The following RUNX2 variants were observed in gnomAD, a reference collection of about 807,000 sequenced individuals.
RUNX2 encodes the protein RUNX family transcription factor 2, also known as runt-related transcription factor 2.
A neutral mutation model predicts 51.7 loss-of-function variants in RUNX2; 10 were observed. The observed-to-expected ratio is 0.19, with a 90% CI of 0.12 to 0.33. The LOEUF (loss-of-function observed/expected upper bound fraction) is 0.33. Among genes scored for constraint, RUNX2 ranks in the 10% least tolerant of loss-of-function variants. The pLI is 1.00. For missense variants in RUNX2, 562 were observed against 691.3 expected (o/e 0.81, Z 2.10); for synonymous variants, 276 against 273.6 (o/e 1.01, Z -0.09).
rs1792643440 is a variant in RUNX2, at chr6:45,354,133, C to CA, written c.58+25355dup. ...GTAGGAAAAATTAGGAAGTTAGTATCAAAAAAGTCTTTAGACTCAAAAATT... is the reference window on the plus strand; with the variant it reads ...GTAGGAAAAATTAGGAAGTTAGTATCAAAAAAAGTCTTTAGACTCAAAAATT... On this transcript the variant is annotated intron_variant, in intron 2 of 8. Transcript: ENST00000647337. 3.9e-5 allele frequency among the ~76,000 whole-genome samples: 6 copies of CA among 152,046 alleles called. No homozygotes were observed. The East Asian group carries it at 9.7e-4, about 24-fold the overall frequency.
intron 2 of RUNX2, among the ~76,000 whole-genome samples, chr6:45,365,969 T>C (rs1286085629): frequency 1.3e-5 from 2 of 152,036 alleles, no homozygotes; most frequent in African/African-American, 4.8e-5. Flanking sequence ...TGCATAATGA[T>C]AAAGTGGGTG....
intron 7 of RUNX2, among the ~76,000 whole-genome samples, chr6:45,522,439 AAAAAACAAC>A (rs1801534951): frequency 6.6e-6 from 1 of 150,542 alleles, no homozygotes; most frequent in Non-Finnish European, 1.5e-5. Flanking sequence ...GGAAATTAAA[AAAAAACAAC>A]AATCCCATTC....
At chr6:45,541,904 A>G (rs140077250) in intron 7 of RUNX2, among the ~76,000 whole-genome samples, 127 of 152,284 alleles carry the variant, frequency 8.3e-4, no homozygotes, top group Non-Finnish European at 1.3e-3. Flanking sequence ...TCAACCAACC[A>G]TATTTATTGG....
chr6:45,334,254 AC>A (rs1474760141), intron 2 of RUNX2, among the ~76,000 whole-genome samples: 2 of 151,326 alleles, frequency 1.3e-5, no homozygotes, highest in East Asian at 3.9e-4. Context: ...TCGATTTTTT[AC>A]ATCAATGATG....
intron 7 of RUNX2, among the ~76,000 whole-genome samples, chr6:45,520,846 G>A (rs537023559): frequency 6.6e-5 from 10 of 152,070 alleles, no homozygotes; most frequent in African/African-American, 2.2e-4. Context: ...TTACCCTCCC[G>A]AGTAGCTGGG....
Position 45,547,076 on chromosome 6 carries a change from A to T in RUNX2, c.1337A>T (p.Tyr446Phe). 1 of 1,613,950 alleles carries T rather than the reference A, an allele frequency of 6.2e-7. No homozygotes were observed. The highest frequency in any genetic ancestry group is 8.5e-7 in the Non-Finnish European group (1 of 1,179,962). ...PFQTSSTPYL[Y>F]YGTSSGSYQF... ...CAGACCAGCAGCACTCCATATCTCT[A>T]CTATGGCACTTCGTCAGGATCCTAT... The change falls in exon 9 of 9, where the codon TAC becomes TTC. Residue 446 changes from tyrosine (Y) to phenylalanine (F), a missense_variant. Physicochemically the swap from Tyr to Phe is conservative, Grantham distance 22 (BLOSUM62 3). Transcript: ENST00000647337.
intron 5 of RUNX2, among the ~76,000 whole-genome samples, chr6:45,449,103 T>C (rs1799084560): frequency 6.6e-6 from 1 of 152,152 alleles, no homozygotes; most frequent in Non-Finnish European, 1.5e-5. Context: ...GTTTAAGAGG[T>C]GGATTCCCTT....
intron 6 of RUNX2, among the ~76,000 whole-genome samples, chr6:45,497,639 A>C (rs1425397565): frequency 6.6e-6 from 1 of 152,140 alleles, no homozygotes; most frequent in Non-Finnish European, 1.5e-5. Flanking sequence ...GAGTCGAATC[A>C]GGCTCCCGTG....
intron 5 of RUNX2, among the ~76,000 whole-genome samples, chr6:45,486,735 A>G (rs1800293469): frequency 6.6e-6 from 1 of 152,144 alleles, no homozygotes; most frequent in Non-Finnish European, 1.5e-5. Context: ...TGTGGATATA[A>G]TACAGAGAAT....
chr6:45,522,482 G>A (rs912414875), intron 7 of RUNX2, among the ~76,000 whole-genome samples: 23 of 151,920 alleles, frequency 1.5e-4, no homozygotes, highest in Admixed American at 1.4e-3. Context: ...CTTTCACTCC[G>A]AATTGCTTCA....
At chr6:45,486,169 A>G (rs1800277854) in intron 5 of RUNX2, among the ~76,000 whole-genome samples, 1 of 152,156 alleles carries the variant, frequency 6.6e-6, no homozygotes, top group Non-Finnish European at 1.5e-5. Context: ...CTTAATATTT[A>G]AAAACAGTTC....
chr6:45,407,989 A>G (rs1385677566), intron 2 of RUNX2, among the ~76,000 whole-genome samples: 2 of 152,156 alleles, frequency 1.3e-5, no homozygotes, highest in Non-Finnish European at 2.9e-5. Flanking sequence ...TATTATTATT[A>G]CCATGGTATA....
chr6:45,502,873 G>C (rs1471386088), intron 6 of RUNX2, among the ~76,000 whole-genome samples: 1 of 152,200 alleles, frequency 6.6e-6, no homozygotes, highest in East Asian at 1.9e-4. Flanking sequence ...TGGCCCAGCA[G>C]GGTCAGCACA....
chr6:45,537,155 T>TTTTA (rs1802063558), intron 7 of RUNX2, among the ~76,000 whole-genome samples: 1 of 152,212 alleles, frequency 6.6e-6, no homozygotes, highest in East Asian at 1.9e-4. Context: ...TTGCTTCATA[T>TTTTA]CATTCAGAAC....
chr6:45,519,939 TGC>T (rs1801454006), intron 7 of RUNX2, among the ~76,000 whole-genome samples: 1 of 151,740 alleles, frequency 6.6e-6, no homozygotes, highest in South Asian at 2.1e-4. Flanking sequence ...GCAATTCTCT[TGC>T]CTCACCCTCC....
chr6:45,423,661 C>T (rs918175188), intron 3 of RUNX2, among the ~76,000 whole-genome samples: 4 of 151,906 alleles, frequency 2.6e-5, no homozygotes, highest in Non-Finnish European at 5.9e-5. Flanking sequence ...CCGGGAGGGT[C>T]CTGGACAAAC....
chr6:45,523,172 T>C (rs1044965827), intron 7 of RUNX2, among the ~76,000 whole-genome samples: 2 of 152,180 alleles, frequency 1.3e-5, no homozygotes, highest in African/African-American at 2.4e-5. Context: ...GTCTTAATAT[T>C]ATTTGATTAC....
chr6:45,377,099 G>T (rs1031596291), intron 2 of RUNX2, among the ~76,000 whole-genome samples: 1 of 141,544 alleles, frequency 7.1e-6, no homozygotes, highest in Non-Finnish European at 1.6e-5. Flanking sequence ...AGAAAATAAG[G>T]TCACAGTCAT....
At chr6:45,472,488 C>T (rs560983047) in intron 5 of RUNX2, among the ~76,000 whole-genome samples, 5 of 152,308 alleles carry the variant, frequency 3.3e-5, no homozygotes, top group African/African-American at 1.2e-4. Context: ...CACACAGGAG[C>T]GGGGCTGTCT....
Sources: gnomAD v4.1 joint callset for allele counts (sites outside exome capture counted in the v4.1 genomes callset) on GRCh38, gnomAD v4.1.1 for gene constraint, MANE v1.5 for transcripts, NCBI Gene and HGNC (gene_info 2026-07-23, HGNC 2026-07-21) for gene names.